The following CAMTA1 variants were observed in gnomAD, a reference collection of about 807,000 sequenced individuals.
CAMTA1 encodes the protein calmodulin binding transcription activator 1.
Under a neutral mutation model 170.9 loss-of-function variants are expected in CAMTA1, and 27 were observed. That is an observed-to-expected ratio of 0.16 (90% CI 0.12 to 0.22). The LOEUF (loss-of-function observed/expected upper bound fraction) is 0.22, where lower values mean the gene tolerates loss of function less well. Ranked by LOEUF, CAMTA1 falls within the 10% of genes least tolerant of loss-of-function variation. The pLI is 1.00. For synonymous variants in CAMTA1, 833 were observed against 891.5 expected (o/e 0.93, Z 1.17); for missense variants, 1,619 against 2,217.2 (o/e 0.73, Z 5.42).
intron 1 of CAMTA1, among the ~76,000 whole-genome samples, chr1:6,788,104 C>G (rs759112869): frequency 4.6e-5 from 7 of 152,124 alleles, no homozygotes; most frequent in Non-Finnish European, 7.3e-5. Context: ...TTCTCTTGGA[C>G]AGGGGAATGA....
chr1:7,128,964 C>T (rs1195968666), intron 4 of CAMTA1, among the ~76,000 whole-genome samples: 2 of 151,516 alleles, frequency 1.3e-5, no homozygotes, highest in African/African-American at 2.4e-5. Flanking sequence ...TTCAGCCTCC[C>T]GAGTAGCTGG....
intron 4 of CAMTA1, among the ~76,000 whole-genome samples, chr1:7,197,375 G>C (rs1027837758): frequency 1.3e-5 from 2 of 152,152 alleles, no homozygotes; most frequent in African/African-American, 4.8e-5. Flanking sequence ...CCTGTGGCCA[G>C]AGCTGGATGC....
At chr1:6,989,383 G>A (rs1007904634) in intron 3 of CAMTA1, among the ~76,000 whole-genome samples, 1 of 152,226 alleles carries the variant, frequency 6.6e-6, no homozygotes, top group African/African-American at 2.4e-5. Flanking sequence ...CTGCCAGAGA[G>A]AGCCGTGGCC....
chr1:7,564,680 C>T (rs1487302707), intron 6 of CAMTA1, among the ~76,000 whole-genome samples: 1 of 151,976 alleles, frequency 6.6e-6, no homozygotes, highest in African/African-American at 2.4e-5. Flanking sequence ...TGGTTGTCGT[C>T]CAGGAAGCTC....
At chr1:7,316,457 A>G (rs1011146217) in intron 5 of CAMTA1, among the ~76,000 whole-genome samples, 2 of 152,258 alleles carry the variant, frequency 1.3e-5, no homozygotes, top group African/African-American at 4.8e-5. Context: ...AAGAGATAAC[A>G]CAAGTGAAGT....
chr1:6,996,581 A>G (rs1441505470), intron 3 of CAMTA1, among the ~76,000 whole-genome samples: 2 of 152,094 alleles, frequency 1.3e-5, no homozygotes, highest in African/African-American at 4.8e-5. Context: ...GGTTAACCCA[A>G]GCTCTCCTCT....
In CAMTA1 at chr1:7,545,078, G is replaced by A. The variant is rs114781219; in HGVS notation, c.510+77177G>A. ...CAAACACCAAAACTTATATATTATC[G>A]TGGTCATTCATGCCTCATTTATATT... On this transcript the variant is annotated intron_variant, in intron 6 of 22. Transcript: ENST00000303635. 2.2e-3 allele frequency among the ~76,000 whole-genome samples: 335 copies of A among 152,130 alleles called. 2 individuals carry two copies. The highest frequency in any genetic ancestry group is 7.7e-3 in the African/African-American group (320 of 41,458).
chr1:6,849,115 A>G (rs1216483964), intron 3 of CAMTA1, among the ~76,000 whole-genome samples: 1 of 152,182 alleles, frequency 6.6e-6, no homozygotes, highest in Admixed American at 6.5e-5. Context: ...AATAATTTTT[A>G]TGCTATAGTG....
chr1:7,483,154 T>C (rs933758063), intron 6 of CAMTA1, among the ~76,000 whole-genome samples: 2 of 152,062 alleles, frequency 1.3e-5, no homozygotes, highest in African/African-American at 4.8e-5. Context: ...AGGACATATT[T>C]GAGAGCAGGA....
rs150603568 is a variant in CAMTA1, at chr1:7,027,748, G to A, written c.235-63556G>A. 1.1e-4 allele frequency among the ~76,000 whole-genome samples: 16 copies of A among 152,264 alleles called. No homozygotes were observed. The East Asian group carries it at 3.1e-3, about 29-fold the overall frequency. The stretch of plus-strand genomic sequence containing the variant: ...ACAGTGGGCGTGGAGGGAGATTCTA[G>A]CAAGTCTTTAATGTGGGATGCAGCC... On this transcript the variant is annotated intron_variant, in intron 3 of 22. Transcript: ENST00000303635.
intron 3 of CAMTA1, among the ~76,000 whole-genome samples, chr1:6,889,941 A>G (rs1452637970): frequency 6.6e-6 from 1 of 152,200 alleles, no homozygotes; most frequent in Non-Finnish European, 1.5e-5. Context: ...TTGACCAGCA[A>G]ATGCTTAAAG....
At chr1:7,677,017 T>C (rs553328403) in intron 10 of CAMTA1, among the ~76,000 whole-genome samples, 13 of 151,982 alleles carry the variant, frequency 8.6e-5, no homozygotes, top group Non-Finnish European at 1.9e-4. Flanking sequence ...GGTGCAACCT[T>C]CACATCAGCA....
intron 6 of CAMTA1, among the ~76,000 whole-genome samples, chr1:7,583,744 G>T (rs954049429): frequency 3.3e-5 from 5 of 152,102 alleles, no homozygotes; most frequent in Non-Finnish European, 7.4e-5. Flanking sequence ...GTCTGCCCTG[G>T]TGCCCAGACC....
At chr1:7,465,105 C>T (rs2093179565) in intron 5 of CAMTA1, among the ~76,000 whole-genome samples, 1 of 152,192 alleles carries the variant, frequency 6.6e-6, no homozygotes, top group Non-Finnish European at 1.5e-5. Context: ...CCTTAGCGTT[C>T]AGGGTGCCAC....
intron 3 of CAMTA1, among the ~76,000 whole-genome samples, chr1:7,031,992 G>A (rs1702881587): frequency 6.6e-6 from 1 of 151,644 alleles, no homozygotes; most frequent in African/African-American, 2.4e-5. Context: ...TTGAGATGGA[G>A]TCCTGCTCTG....
chr1:7,571,312 AT>A (rs1233289943), intron 6 of CAMTA1, among the ~76,000 whole-genome samples: 1 of 152,160 alleles, frequency 6.6e-6, no homozygotes, highest in African/African-American at 2.4e-5. Context: ...AATCCAGTTT[AT>A]GAGGATTCTT....
intron 5 of CAMTA1, among the ~76,000 whole-genome samples, chr1:7,390,455 C>T (rs1007718468): frequency 1.3e-5 from 2 of 152,212 alleles, no homozygotes; most frequent in African/African-American, 4.8e-5. Flanking sequence ...CCGCAGATCC[C>T]ACTGCCAACG....
intron 7 of CAMTA1, among the ~76,000 whole-genome samples, chr1:7,651,017 C>T (rs2095845447): frequency 2.0e-5 from 3 of 152,192 alleles, no homozygotes; most frequent in South Asian, 2.1e-4. Flanking sequence ...CCAGGAGAGG[C>T]ACGTGGCCGC....
At chr1:7,136,289 CTG>C (rs1645540177) in intron 4 of CAMTA1, among the ~76,000 whole-genome samples, 2 of 152,256 alleles carry the variant, frequency 1.3e-5, no homozygotes, top group Non-Finnish European at 2.9e-5. Flanking sequence ...GCCCACCCCT[CTG>C]TGTCTGCACC....
Sources: allele counts gnomAD v4.1 joint callset (sites outside exome capture counted in the v4.1 genomes callset), GRCh38; gene constraint gnomAD v4.1.1; transcripts MANE v1.5; gene names NCBI Gene and HGNC (gene_info 2026-07-23, HGNC 2026-07-21).